HTT: variants seen among roughly 807,000 people sequenced by gnomAD.
The protein encoded by HTT is huntingtin, also known as huntington disease protein.
In HTT, 104 loss-of-function variants were observed where a neutral mutation model predicts 362.3. That is an observed-to-expected ratio of 0.29 (90% CI 0.24 to 0.34). HTT has a LOEUF of 0.34. Ranked by LOEUF, HTT falls within the 10% of genes least tolerant of loss-of-function variation. The pLI is 1.00. For missense variants in HTT, 3,301 were observed against 3,928.6 expected, an observed-to-expected ratio of 0.84 and a Z score of 4.27; for synonymous variants, 1,577 against 1,548.7, an observed-to-expected ratio of 1.02 and a Z score of -0.43.
intron 5 of HTT, among the ~76,000 whole-genome samples, chr4:3,106,319 G>A (rs141522533): frequency 1.3e-4 from 20 of 152,252 alleles, no homozygotes; most frequent in African/African-American, 4.3e-4. Flanking sequence ...TCGCACCACT[G>A]CACTCCAGCC....
At chr4:3,166,226 G>A (rs1717699657) in intron 29 of HTT, among the ~76,000 whole-genome samples, 1 of 152,198 alleles carries the variant, frequency 6.6e-6, no homozygotes, top group Non-Finnish European at 1.5e-5. Flanking sequence ...CTGTTTGCCT[G>A]GGCATCACCA....
intron 37 of HTT, among the ~76,000 whole-genome samples, chr4:3,183,002 T>C (rs1718599148): frequency 6.6e-6 from 1 of 152,140 alleles, no homozygotes; most frequent in African/African-American, 2.4e-5. Flanking sequence ...CACCTCAGCC[T>C]CCTGAGTAGC....
At chr4:3,142,562 C>A (rs41264723) in intron 22 of HTT, among the ~76,000 whole-genome samples, 55 of 152,022 alleles carry the variant, frequency 3.6e-4, no homozygotes, top group Middle Eastern at 3.4e-3. Flanking sequence ...CAAAAGTGTT[C>A]GGGGCAGACT....
intron 22 of HTT, among the ~76,000 whole-genome samples, chr4:3,142,152 A>G (rs1716379243): frequency 6.6e-6 from 1 of 152,332 alleles, no homozygotes; most frequent in Middle Eastern, 3.4e-3. Flanking sequence ...CCAATTGTGC[A>G]GCAGAGTGTG....
chr4:3,219,036 C>T (rs1406828807), intron 52 of HTT, among the ~76,000 whole-genome samples: 1 of 152,170 alleles, frequency 6.6e-6, no homozygotes, highest in African/African-American at 2.4e-5. Context: ...GATTCTGCCG[C>T]AGGGAATGAA....
chr4:3,086,227 A>G (rs1713200611), intron 1 of HTT, among the ~76,000 whole-genome samples: 1 of 152,266 alleles, frequency 6.6e-6, no homozygotes, highest in African/African-American at 2.4e-5. Context: ...ATGTTAACAC[A>G]TGATTCAAAC....
chr4:3,134,482 A>C lies in HTT; in HGVS notation c.2575A>C (p.Ser859Arg), dbSNP rs1715968872. 6.2e-7 allele frequency: 1 copy of C among 1,613,950 alleles called. No homozygotes were observed. Among genetic ancestry groups the C allele is most frequent in the Non-Finnish European group, 8.5e-7 (1 of 1,179,916 alleles). Residue 859 changes from serine (S) to arginine (R), a missense_variant, in exon 19 of 67, where the codon AGT (serine) becomes CGT (arginine). Physicochemically the swap from Ser to Arg is moderately radical, Grantham distance 110 (BLOSUM62 -1). This residue lies in a region of HTT where 2,316 missense variants were observed against 2,658.5 expected (regional missense o/e 0.87). Coordinates refer to ENST00000355072, the MANE Select transcript of HTT (RefSeq NM_001388492.1). ...LIIDVLTLRN[S>R]SYWLVRTELL... is the part of the protein sequence containing the mutation. ...CATCGATGTGCTGACTCTGAGGAACAGTTCCTATTGGCTGGTGAGGACAGA... is the reference window on the plus strand; with the variant it reads ...CATCGATGTGCTGACTCTGAGGAACCGTTCCTATTGGCTGGTGAGGACAGA...
Position 3,206,824 on chromosome 4 carries a change from A to G in HTT, c.5916A>G (p.Lys1972=), listed in dbSNP as rs1281921036. ...ENLSTPTMLK[K]TLQCLEGIHL... ...GCTGTTAGCCAACCATGCTGAAGAA[A>G]ACTCTTCAGTGCTTGGAGGGGATCC... Residue 1972 remains lysine (K), a synonymous_variant, in exon 44 of 67, where the codon AAA becomes AAG. Transcript: ENST00000355072. The surrounding 1 kb of genome is among the most constrained non-coding windows in gnomAD (Gnocchi z 4.6). 3 of 1,601,182 alleles carry G rather than the reference A, an allele frequency of 1.9e-6. No homozygotes were observed. Among genetic ancestry groups the G allele is most frequent in the Admixed American group, 1.7e-5 (1 of 58,452 alleles).
At chr4:3,092,311 C>T (rs1224435381) in intron 2 of HTT, among the ~76,000 whole-genome samples, 4 of 152,308 alleles carry the variant, frequency 2.6e-5, no homozygotes, top group East Asian at 1.9e-4. Flanking sequence ...TGAGCCACTG[C>T]GCCTGGCCAG....
At chr4:3,159,741 A>G (rs949885206) in intron 28 of HTT, among the ~76,000 whole-genome samples, 11 of 152,194 alleles carry the variant, frequency 7.2e-5, no homozygotes, top group Admixed American at 3.3e-4. Context: ...CTTGTTATGC[A>G]TGTCTTTGGT....
chr4:3,135,552 A>G (rs1331100172), intron 19 of HTT, among the ~76,000 whole-genome samples: 1 of 152,082 alleles, frequency 6.6e-6, no homozygotes, highest in Non-Finnish European at 1.5e-5. Flanking sequence ...ACCCACAGAT[A>G]GGGACGCTGA....
At chr4:3,223,644 A>C (rs82334) in intron 55 of HTT, 84 bp downstream of exon 55, 386,659 of 1,247,662 alleles carry the variant, frequency 0.31, 62,007 homozygotes, top group East Asian at 0.39. Context: ...AGCAGCTTCA[A>C]CCAGGCCGTT....
rs576672388 is a variant in HTT, at chr4:3,136,819, A to G, written c.2798+493A>G. Among the ~76,000 whole-genome samples the G allele has an allele frequency of 3.9e-5, 6 of 152,130 alleles. No homozygotes were observed. In the South Asian group the frequency reaches 1.2e-3, roughly 32 times the overall value. On this transcript the variant is annotated intron_variant, in intron 21 of 66. Transcript: ENST00000355072. ...CTATGCGGTTGGGATAAAATTTTAT[A>G]TACTTTTTTTGGCAATTACTTATTA...
intron 53 of HTT, among the ~76,000 whole-genome samples, chr4:3,222,152 A>C (rs899349838): frequency 1.3e-5 from 2 of 152,302 alleles, no homozygotes; most frequent in East Asian, 1.9e-4. Flanking sequence ...GGCCTGTGCC[A>C]CCTGCCTCTC....
intron 21 of HTT, among the ~76,000 whole-genome samples, chr4:3,137,030 C>T (rs999275896): frequency 2.6e-5 from 4 of 151,898 alleles, no homozygotes; most frequent in Admixed American, 2.6e-4. Context: ...GCCTCAGCCT[C>T]CCGAGTAGCT....
chr4:3,138,107 T>TCCTCCCTTCCTC (rs1217480713), intron 21 of HTT, among the ~76,000 whole-genome samples: 2 of 149,496 alleles, frequency 1.3e-5, no homozygotes, highest in African/African-American at 2.5e-5. Flanking sequence ...CTTCTTTCCT[T>TCCTCCCTTCCTC]CCTCCCTTCC....
At chr4:3,219,917 G>T (rs1022197883) in intron 52 of HTT, among the ~76,000 whole-genome samples, 6 of 152,172 alleles carry the variant, frequency 3.9e-5, no homozygotes, top group African/African-American at 1.4e-4. Context: ...GCTTCTCCCA[G>T]CACTCCCTGA....
rs764864104 is a variant in HTT at position 3,147,990 on chromosome 4, G to A, written c.3296-15G>A. Reference sequence around the variant, plus strand: ...CTATTGGGGTGGAGAGGTAATGTCTGTGCCCATATCACAGCCAGTGCTCCC... The same window carrying A: ...CTATTGGGGTGGAGAGGTAATGTCTATGCCCATATCACAGCCAGTGCTCCC... On this transcript the variant is annotated splice_polypyrimidine_tract_variant and intron_variant, in intron 25 of 66. Transcript: ENST00000355072. The A allele has an allele frequency of 1.9e-6, 3 of 1,603,604 alleles. No homozygotes were observed. The highest frequency in any genetic ancestry group is 2.6e-6 in the Non-Finnish European group (3 of 1,173,728).
intron 29 of HTT, among the ~76,000 whole-genome samples, chr4:3,168,685 T>C (rs1459463853): frequency 2.0e-5 from 3 of 152,202 alleles, no homozygotes; most frequent in African/African-American, 7.2e-5. Context: ...TTTAAGACTT[T>C]ATCTGCAAAC....
Sources: allele counts gnomAD v4.1 joint callset (sites outside exome capture counted in the v4.1 genomes callset), GRCh38; gene constraint gnomAD v4.1.1; regional missense constraint gnomAD v4.1.1; non-coding constraint Gnocchi (gnomAD v3.1); transcripts MANE v1.5; gene names NCBI Gene and HGNC (gene_info 2026-07-23, HGNC 2026-07-21).